The following AACS variants were observed in gnomAD, a reference collection of about 807,000 sequenced individuals.
AACS encodes the protein acetoacetyl-CoA synthetase.
A neutral mutation model predicts 83.1 loss-of-function variants in AACS; 69 were observed. The observed-to-expected ratio is 0.83, with a 90% confidence interval of 0.68 to 1.01. The LOEUF is 1.01. AACS is among the 50% of genes least tolerant of loss of function. The probability of loss-of-function intolerance (pLI) is 0.00; values close to 1 mark genes in which losing one functional copy is unlikely to be tolerated. For synonymous variants in AACS, 333 were observed against 343.4 expected (o/e 0.97, Z 0.33); for missense variants, 866 against 882.2 (o/e 0.98, Z 0.23).
chr12:125,099,044 G>A (rs536516166), intron 5 of AACS, among the ~76,000 whole-genome samples: 3 of 152,204 alleles, frequency 2.0e-5, no homozygotes, highest in African/African-American at 4.8e-5. Flanking sequence ...GAAATGTGCC[G>A]TCAGGTGTCT....
chr12:125,113,587 G>T lies in AACS; in HGVS notation c.916-890G>T, dbSNP rs1956993522. Among the ~76,000 whole-genome samples the T allele has an allele frequency of 6.6e-6, 1 of 152,222 alleles. No individual in the cohort carries two copies. The highest frequency in any genetic ancestry group is 2.1e-4 in the South Asian group (1 of 4,828). On this transcript the variant is annotated intron_variant, in intron 8 of 17. Coordinates refer to ENST00000316519, the MANE Select transcript of AACS (RefSeq NM_023928.5). The surrounding 1 kb of genome is among the most constrained non-coding windows in gnomAD (Gnocchi z 4.8). ...AACAAGTGTGTTCTGGGCAGTGGAA[G>T]ATTATATAGTTGTAAACAGACATGA... is the stretch of plus-strand genomic sequence containing the variant.
rs766708757 is a variant in AACS at position 125,142,365 on chromosome 12, C to T, written c.*136C>T. On this transcript the variant is annotated 3_prime_UTR_variant, in exon 18 of 18. Coordinates refer to ENST00000316519, the MANE Select transcript of AACS (RefSeq NM_023928.5). ...GTGTTCTGTAGGCTTGGGGAGGGAT[C>T]GTTTCTCTGTTTTGTTAAATCTGGT... 2.3e-4 allele frequency: 286 copies of T among 1,266,786 alleles called. 2 individuals carry two copies. Among genetic ancestry groups the T allele is most frequent in the Non-Finnish European group, 3.0e-4 (276 of 934,328 alleles). 78.5% of individuals were successfully genotyped at this position (1,266,786 alleles called of 1,614,324 possible). A position where few individuals can be genotyped will look rare whatever the true frequency, so the allele number is the denominator to read the frequency against.
At chr12:125,125,106 C>A in intron 12 of AACS, 82 bp downstream of exon 12, 1 of 1,584,254 alleles carries the variant, frequency 6.3e-7, no homozygotes, top group South Asian at 1.1e-5. Flanking sequence ...TGCTTGGATT[C>A]ATCCCAAGGA....
chr12:125,134,296 C>T (rs1290884217), intron 15 of AACS, among the ~76,000 whole-genome samples: 3 of 152,246 alleles, frequency 2.0e-5, no homozygotes, highest in Middle Eastern at 3.2e-3. Context: ...TGCCTGTGCA[C>T]ACACCATCCC....
intron 3 of AACS, among the ~76,000 whole-genome samples, chr12:125,085,701 G>A (rs958318385): frequency 6.6e-6 from 1 of 152,082 alleles, no homozygotes; most frequent in Non-Finnish European, 1.5e-5. Flanking sequence ...AGGGGGACAT[G>A]GGACCTCTCT....
At chr12:125,080,497 A>G (rs1956145795) in intron 3 of AACS, among the ~76,000 whole-genome samples, 1 of 151,680 alleles carries the variant, frequency 6.6e-6, no homozygotes, top group Non-Finnish European at 1.5e-5. Context: ...TCTGTTACAT[A>G]CAGTATTGGC....
At chr12:125,114,011 C>T (rs1957001502) in intron 8 of AACS, among the ~76,000 whole-genome samples, 1 of 152,140 alleles carries the variant, frequency 6.6e-6, no homozygotes, top group Non-Finnish European at 1.5e-5. Flanking sequence ...CAGCTACAGT[C>T]TTGCTCTGTT....
chr12:125,098,394 A>T (rs969615915), intron 5 of AACS, among the ~76,000 whole-genome samples: 30 of 146,934 alleles, frequency 2.0e-4, no homozygotes, highest in African/African-American at 7.2e-4. Flanking sequence ...ACCCTGTCTA[A>T]AAAAAAAAAA....
At chr12:125,118,370 G>A (rs750886378) in intron 9 of AACS, 62 of 417,368 alleles carry the variant, frequency 1.5e-4, no homozygotes, top group African/African-American at 3.1e-4. Context: ...TGCTTGTGTC[G>A]ATAACACCTA....
intron 1 of AACS, among the ~76,000 whole-genome samples, chr12:125,070,867 C>T (rs924825046): frequency 1.3e-5 from 2 of 152,198 alleles, no homozygotes; most frequent in Non-Finnish European, 2.9e-5. Context: ...CTGGCATTTG[C>T]CTGAGGGCCC....
rs1164900021 is a variant in AACS, at chr12:125,090,218, TCCATCCATTTATTATG to T, written c.473-1206_473-1191del. Among the ~76,000 whole-genome samples the T allele has an allele frequency of 3.8e-4, 56 of 146,950 alleles. 5 individuals are homozygous for T. Among genetic ancestry groups the T allele is most frequent in the African/African-American group, 4.8e-4 (19 of 39,544 alleles). ...TACCCATTTACCCATTATCCATCTA[TCCATCCATTTATTATG>T]CTTCCACCCATCATCTACCCATTCA... On this transcript the variant is annotated intron_variant, in intron 4 of 17. Transcript: ENST00000316519.
chr12:125,107,418 C>G (rs1447462524), intron 8 of AACS, 150 bp downstream of exon 8: 1 of 1,120,464 alleles, frequency 8.9e-7, no homozygotes, highest in Admixed American at 2.4e-5. Flanking sequence ...TGGGGTGCTG[C>G]ACGGAGATCC....
At chr12:125,083,890 G>A (rs1417218392) in intron 3 of AACS, among the ~76,000 whole-genome samples, 1 of 152,030 alleles carries the variant, frequency 6.6e-6, no homozygotes, top group Non-Finnish European at 1.5e-5. Context: ...CTGACCTCAG[G>A]TGATTCACCT....
chr12:125,116,809 T>C lies in AACS; in HGVS notation c.997-1832T>C, dbSNP rs931755137. ...AGCAGCCTTGGTGGCAGTTGTTTCA[T>C]GTCCTGCAGCCCTGGGCCCAGGCTA... On this transcript the variant is annotated intron_variant, in intron 9 of 17. Coordinates refer to ENST00000316519, the MANE Select transcript of AACS (RefSeq NM_023928.5). 2.0e-5 allele frequency among the ~76,000 whole-genome samples: 3 copies of C among 152,110 alleles called. No individual in the cohort carries two copies. The East Asian group carries it at 5.8e-4, about 29-fold the overall frequency.
chr12:125,112,205 T>C (rs2136107346), intron 8 of AACS, among the ~76,000 whole-genome samples: 1 of 152,298 alleles, frequency 6.6e-6, no homozygotes, highest in East Asian at 1.9e-4. Flanking sequence ...CAGATTGTCA[T>C]GTAACTTTCT....
chr12:125,127,337 A>G (rs903538769), intron 12 of AACS: 1 of 152,240 alleles, frequency 6.6e-6, no homozygotes, highest in African/African-American at 2.4e-5. Flanking sequence ...CGTGGGACAC[A>G]TCAGTCAGTG....
rs564914047 is a variant in AACS at position 125,109,401 on chromosome 12, C to CCA, written c.915+2135_915+2136dup. ...TGAGTGCTGGAATTACAGGCATGAG[C>CCA]CACTGTGCCTGATGTCAACATCCAT... On this transcript the variant is annotated intron_variant, in intron 8 of 17. Transcript: ENST00000316519. Among the ~76,000 whole-genome samples, 29 of 152,296 alleles carry CCA rather than the reference C, an allele frequency of 1.9e-4. 1 individual carries two copies. The East Asian group carries it at 5.2e-3, about 27-fold the overall frequency.
At chr12:125,099,734 C>T (rs979875529) in intron 5 of AACS, among the ~76,000 whole-genome samples, 11 of 152,102 alleles carry the variant, frequency 7.2e-5, no homozygotes, top group Non-Finnish European at 1.3e-4. Context: ...TCACCGAGGC[C>T]GCATGATCTC....
At chr12:125,069,343 C>T (rs1046501675) in intron 1 of AACS, among the ~76,000 whole-genome samples, 4 of 152,234 alleles carry the variant, frequency 2.6e-5, no homozygotes, top group Non-Finnish European at 4.4e-5. Context: ...TTCCCCACTC[C>T]GGCCGCCTCT....
Sources: gnomAD v4.1 joint callset for allele counts (sites outside exome capture counted in the v4.1 genomes callset) on GRCh38, gnomAD v4.1.1 for gene constraint, Gnocchi (gnomAD v3.1) non-coding constraint, MANE v1.5 for transcripts, NCBI Gene and HGNC (gene_info 2026-07-23, HGNC 2026-07-21) for gene names.